PTPRM: variants seen among roughly 807,000 people sequenced by gnomAD.
PTPRM encodes the protein receptor-type tyrosine-protein phosphatase mu.
In PTPRM, 47 loss-of-function variants were observed where a neutral mutation model predicts 186.7. The observed-to-expected ratio is 0.25, with a 90% confidence interval of 0.20 to 0.32. The LOEUF (loss-of-function observed/expected upper bound fraction) is 0.32, where lower values mean the gene tolerates loss of function less well. Ranked by LOEUF, PTPRM falls within the 10% of genes least tolerant of loss-of-function variation. The pLI is 1.00. For synonymous variants in PTPRM, 668 were observed against 674.9 expected (o/e 0.99, Z 0.16); for missense variants, 1,494 against 1,865.0 (o/e 0.80, Z 3.66).
rs746746551 is a variant in PTPRM at position 8,379,359 on chromosome 18, G to A, written c.3786+19G>A. The A allele has an allele frequency of 3.0e-5, 47 of 1,587,030 alleles. No homozygotes were observed. The highest frequency in any genetic ancestry group is 2.0e-4 in the East Asian group (9 of 44,134). ...CATGGACGTGAGTGCCCCGCTTCCCGCACGGGTCCGAGGCTGGGGTGTTTG... is the reference window on the plus strand; with the variant it reads ...CATGGACGTGAGTGCCCCGCTTCCCACACGGGTCCGAGGCTGGGGTGTTTG... On this transcript the variant is annotated intron_variant, in intron 28 of 32. Transcript: ENST00000580170.
intron 2 of PTPRM, among the ~76,000 whole-genome samples, chr18:7,796,029 C>T (rs953964876): frequency 6.6e-6 from 1 of 151,750 alleles, no homozygotes; most frequent in Non-Finnish European, 1.5e-5. Flanking sequence ...AGGTTGGTCT[C>T]GAACTCTTGG....
intron 7 of PTPRM, among the ~76,000 whole-genome samples, chr18:7,987,616 G>C (rs944879253): frequency 6.6e-6 from 1 of 152,066 alleles, no homozygotes. Flanking sequence ...GACTCTCCAG[G>C]GCACAGCTGG....
chr18:8,270,623 G>T (rs1283920162), intron 19 of PTPRM, among the ~76,000 whole-genome samples: 1 of 152,104 alleles, frequency 6.6e-6, no homozygotes, highest in Non-Finnish European at 1.5e-5. Context: ...ATCAATAGAT[G>T]AATGGATGAA....
rs116563847 is a variant in PTPRM at position 8,302,727 on chromosome 18, G to A, written c.2842+6272G>A. 3.3e-3 allele frequency among the ~76,000 whole-genome samples: 504 copies of A among 152,086 alleles called. 1 individual carries two copies. The highest frequency in any genetic ancestry group is 0.012 in the African/African-American group (480 of 41,510). Reference sequence around the variant, plus strand: ...AGCCAGAGATGACTCCTGCGTTTCCGACTTACTGGAGGATGAATGGTTAGA... The same window carrying A: ...AGCCAGAGATGACTCCTGCGTTTCCAACTTACTGGAGGATGAATGGTTAGA... On this transcript the variant is annotated intron_variant, in intron 20 of 32. Coordinates refer to ENST00000580170, the MANE Select transcript of PTPRM (RefSeq NM_001105244.2).
At chr18:8,373,809 C>G (rs1263645434) in intron 24 of PTPRM, among the ~76,000 whole-genome samples, 1 of 151,212 alleles carries the variant, frequency 6.6e-6, no homozygotes, top group African/African-American at 2.4e-5. Flanking sequence ...CGCCTGAGCC[C>G]GAGAGTTCAA....
At chr18:8,125,998 TATATATATATATATA>T (rs1308162011) in intron 13 of PTPRM, among the ~76,000 whole-genome samples, 325 of 14,930 alleles carry the variant, frequency 0.022, 25 homozygotes, top group Non-Finnish European at 0.054. Flanking sequence ...TATATATATA[TATATATATATATATA>T]TATATATATA....
chr18:8,007,630 G>T (rs1239293437), intron 7 of PTPRM, among the ~76,000 whole-genome samples: 7 of 152,302 alleles, frequency 4.6e-5, no homozygotes, highest in African/African-American at 1.4e-4. Context: ...GATCTAACAA[G>T]CAGTAAGATA....
At position 7,918,078 on chromosome 18, in the gene PTPRM, T is replaced by TTGTGTGTGTGTGTGTG. The variant is rs35838540; in HGVS notation, c.548-8478_548-8463dup. On this transcript the variant is annotated intron_variant, in intron 4 of 32. Coordinates refer to ENST00000580170, the MANE Select transcript of PTPRM (RefSeq NM_001105244.2). Reference sequence around the variant, plus strand: ...TATGAGATATTGTGTTCTTGTGTGTTTGTGTGTGTGTGTGTGTGTGTGTGT... The same window carrying TTGTGTGTGTGTGTGTG: ...TATGAGATATTGTGTTCTTGTGTGTTTGTGTGTGTGTGTGTGTGTGTGTGTGTGTGTGTGTGTGTGT... Among the ~76,000 whole-genome samples the TTGTGTGTGTGTGTGTG allele has an allele frequency of 6.0e-4, 89 of 148,096 alleles. 1 individual carries two copies. The highest frequency in any genetic ancestry group is 2.2e-3 in the East Asian group (11 of 5,052).
At chr18:7,706,453 G>T (rs1288012946) in intron 1 of PTPRM, among the ~76,000 whole-genome samples, 2 of 151,454 alleles carry the variant, frequency 1.3e-5, no homozygotes. Context: ...AAAAAAATTA[G>T]CCAAGAGTGG....
intron 14 of PTPRM, among the ~76,000 whole-genome samples, chr18:8,206,294 G>T (rs11081362): frequency 6.8e-6 from 1 of 146,748 alleles, no homozygotes; most frequent in Non-Finnish European, 1.5e-5. Context: ...TTGCACTGTC[G>T]CCCAGGCTGG....
At chr18:7,830,430 T>G (rs2045701138) in intron 2 of PTPRM, among the ~76,000 whole-genome samples, 1 of 152,228 alleles carries the variant, frequency 6.6e-6, no homozygotes, top group Non-Finnish European at 1.5e-5. Context: ...GTCAATTCCT[T>G]TGTGCAAACA....
Position 7,864,469 on chromosome 18 carries a change from C to T in PTPRM, c.197-23637C>T, listed in dbSNP as rs371574160. Among the ~76,000 whole-genome samples, 4 of 152,264 alleles carry T rather than the reference C, an allele frequency of 2.6e-5. No individual in the cohort carries two copies. The South Asian group carries it at 8.3e-4, about 32-fold the overall frequency. On this transcript the variant is annotated intron_variant, in intron 2 of 32. Transcript: ENST00000580170. ...TAAATAGGGAATCCTTTCCCCATTG[C>T]TTGTTTTTCTTGGGTTTGTCAAAGA...
intron 2 of PTPRM, among the ~76,000 whole-genome samples, chr18:7,805,698 C>A (rs1009338767): frequency 2.0e-5 from 3 of 152,106 alleles, no homozygotes; most frequent in Non-Finnish European, 2.9e-5. Context: ...TTTATACTTT[C>A]CTGTACGAAG....
At chr18:8,393,851 C>T (rs1489550831) in intron 31 of PTPRM, among the ~76,000 whole-genome samples, 3 of 152,162 alleles carry the variant, frequency 2.0e-5, no homozygotes, top group African/African-American at 7.2e-5. Context: ...TGCAGTAGCA[C>T]AATCTCGGCT....
In PTPRM at chr18:8,255,800, C is replaced by T. The variant is rs114828830; in HGVS notation, c.2754+2386C>T. Among the ~76,000 whole-genome samples the T allele has an allele frequency of 2.2e-3, 339 of 152,282 alleles. 1 individual carries two copies. Among genetic ancestry groups the T allele is most frequent in the African/African-American group, 7.7e-3 (322 of 41,552 alleles). ...CCTCCTGGAGGGATGCTGATGTTGTCGTCTAGTGGGGTAGATGACAGGGAA... is the reference window on the plus strand; with the variant it reads ...CCTCCTGGAGGGATGCTGATGTTGTTGTCTAGTGGGGTAGATGACAGGGAA... On this transcript the variant is annotated intron_variant, in intron 19 of 32. Transcript: ENST00000580170.
rs779863935 is a variant in PTPRM at position 7,615,384 on chromosome 18, G to A, written c.73+47493G>A. 2.6e-5 allele frequency among the ~76,000 whole-genome samples: 4 copies of A among 152,080 alleles called. No individual in the cohort carries two copies. The East Asian group carries it at 7.7e-4, about 29-fold the overall frequency. On this transcript the variant is annotated intron_variant, in intron 1 of 32. Transcript: ENST00000580170. ...AAGGGCAGGCTGTAGCAGGAAGAGAGACGGGATCACTCGCCCCTTTCTCTT... is the reference window on the plus strand; with the variant it reads ...AAGGGCAGGCTGTAGCAGGAAGAGAAACGGGATCACTCGCCCCTTTCTCTT...
chr18:8,369,182 G>T (rs1318444327), intron 23 of PTPRM, among the ~76,000 whole-genome samples: 2 of 152,204 alleles, frequency 1.3e-5, no homozygotes, highest in African/African-American at 4.8e-5. Flanking sequence ...AAATATATGT[G>T]CATAGAAAAG....
chr18:8,325,672 T>C (rs2148118810), intron 22 of PTPRM, among the ~76,000 whole-genome samples: 1 of 152,314 alleles, frequency 6.6e-6, no homozygotes, highest in South Asian at 2.1e-4. Flanking sequence ...TAGAATGATT[T>C]ATTTTTCTTT....
intron 14 of PTPRM, among the ~76,000 whole-genome samples, chr18:8,212,720 T>C (rs62091309): frequency 6.6e-6 from 1 of 152,052 alleles, no homozygotes; most frequent in East Asian, 1.9e-4. Flanking sequence ...GGCAGAAGGA[T>C]CACTTGAGCC....
Sources: gnomAD v4.1 joint callset for allele counts (sites outside exome capture counted in the v4.1 genomes callset) on GRCh38, gnomAD v4.1.1 for gene constraint, MANE v1.5 for transcripts, NCBI Gene and HGNC (gene_info 2026-07-23, HGNC 2026-07-21) for gene names.